APP: variants seen among roughly 807,000 people sequenced by gnomAD.
APP encodes the protein amyloid-beta precursor protein.
In APP, 31 loss-of-function variants were observed where a neutral mutation model predicts 101.4. That is an observed-to-expected ratio of 0.31 (90% CI 0.23 to 0.41). APP has a LOEUF of 0.41. Among genes scored for constraint, APP ranks in the 10% least tolerant of loss-of-function variants. The pLI, the probability that APP is intolerant of heterozygous loss-of-function variation, is 1.00. For missense variants in APP, 839 were observed against 1,003.7 expected (o/e 0.84, Z 2.22); for synonymous variants, 366 against 364.4 (o/e 1.00, Z -0.05).
intron 3 of APP, among the ~76,000 whole-genome samples, chr21:26,055,530 T>C (rs946473148): frequency 1.3e-5 from 2 of 152,178 alleles, no homozygotes; most frequent in African/African-American, 4.8e-5. Flanking sequence ...TCAGGGTTTC[T>C]GAGGGCTCTC....
intron 13 of APP, among the ~76,000 whole-genome samples, chr21:25,927,395 A>G (rs1389215218): frequency 1.3e-5 from 2 of 152,248 alleles, no homozygotes; most frequent in East Asian, 3.8e-4. Context: ...AGGCACTTCA[A>G]TGGTCAAGAG....
chr21:26,120,808 G>A (rs2062548804), intron 1 of APP, among the ~76,000 whole-genome samples: 1 of 152,078 alleles, frequency 6.6e-6, no homozygotes, highest in East Asian at 1.9e-4. Flanking sequence ...AATAGACCCC[G>A]TTCCTGCTCA....
intron 13 of APP, chr21:25,945,779 C>T (rs777082494): frequency 4.9e-6 from 2 of 412,340 alleles, no homozygotes; most frequent in Non-Finnish European, 9.8e-6. Flanking sequence ...CCTCAGCCAC[C>T]CCAGGCTCAG....
intron 9 of APP, among the ~76,000 whole-genome samples, chr21:25,976,818 G>C (rs561252490): frequency 3.4e-4 from 52 of 152,306 alleles, no homozygotes; most frequent in Non-Finnish European, 6.8e-4. Flanking sequence ...CCTGTAAGAG[G>C]TGATTCAGTC....
At chr21:25,971,680 A>C (rs1426463460) in intron 11 of APP, among the ~76,000 whole-genome samples, 1 of 152,228 alleles carries the variant, frequency 6.6e-6, no homozygotes, top group Non-Finnish European at 1.5e-5. Flanking sequence ...CCAGGGGGAA[A>C]ATCACCAAAA....
chr21:25,927,860 G>A (rs969975484), intron 13 of APP, among the ~76,000 whole-genome samples: 20 of 152,126 alleles, frequency 1.3e-4, no homozygotes, highest in African/African-American at 4.8e-4. Context: ...AAAGAACTTA[G>A]ACCTACCAGT....
chr21:26,145,747 T>C (rs1313438215), intron 1 of APP, among the ~76,000 whole-genome samples: 1 of 152,154 alleles, frequency 6.6e-6, no homozygotes, highest in African/African-American at 2.4e-5. Flanking sequence ...GCTACTGACA[T>C]AATACACATA....
At chr21:26,008,984 A>C (rs2043660721) in intron 6 of APP, among the ~76,000 whole-genome samples, 1 of 152,224 alleles carries the variant, frequency 6.6e-6, no homozygotes, top group South Asian at 2.1e-4. Flanking sequence ...AGCAGAGTCA[A>C]CACCACCTGG....
rs751737009 is a variant in APP at position 26,000,162 on chromosome 21, C to T, written c.886G>A (p.Glu296Lys). Residue 296 changes from glutamate to lysine, a missense_variant, in exon 7 of 18, where the codon GAG becomes AAG. Physicochemically the swap from Glu to Lys is moderately conservative, Grantham distance 56. Transcript: ENST00000346798. ...VVREVCSEQAETGPCRAMISR... is the reference protein window; with the variant it reads ...VVREVCSEQAKTGPCRAMISR... ...ATCATTGCTCGGCACGGCCCCGTCT[C>T]GGCTTGTTCAGAGCACACCTCTAAT... is the stretch of plus-strand genomic sequence containing the variant. 8.1e-6 allele frequency: 13 copies of T among 1,614,116 alleles called. No individual in the cohort carries two copies. Among genetic ancestry groups the T allele is most frequent in the Middle Eastern group, 1.6e-4 (1 of 6,084 alleles).
At chr21:26,125,738 T>C (rs1475259528) in intron 1 of APP, among the ~76,000 whole-genome samples, 1 of 152,180 alleles carries the variant, frequency 6.6e-6, no homozygotes, top group Non-Finnish European at 1.5e-5. Flanking sequence ...AAACATCCCA[T>C]TCTGTCTAGC....
chr21:25,892,960 A>C (rs2037793382), intron 16 of APP, among the ~76,000 whole-genome samples: 1 of 51,908 alleles, frequency 1.9e-5, no homozygotes, highest in Admixed American at 1.6e-4. Context: ...AAAAAAAAAA[A>C]ACAAAAAGGT....
chr21:26,087,525 A>G (rs549857066), intron 3 of APP, among the ~76,000 whole-genome samples: 1 of 152,328 alleles, frequency 6.6e-6, no homozygotes, highest in African/African-American at 2.4e-5. Context: ...ACATCAAAGG[A>G]GCCCAGAATC....
intron 2 of APP, among the ~76,000 whole-genome samples, chr21:26,102,082 G>GTTTTTTTTTTTTTTTT (rs35680514): frequency 9.9e-6 from 1 of 101,144 alleles, no homozygotes; most frequent in Non-Finnish European, 1.9e-5. Context: ...AAACTATGTG[G>GTTTTTTTTTTTTTTTT]TTTTTTTTTT....
intron 15 of APP, 137 bp from the exon 16 acceptor site, chr21:25,897,810 G>C (rs1432266346): frequency 8.4e-6 from 6 of 712,510 alleles, no homozygotes; most frequent in South Asian, 3.1e-5. Flanking sequence ...GACTCTTAAA[G>C]AAAAATGATA....
At chr21:25,958,900 CAG>C (rs1274156119) in intron 11 of APP, among the ~76,000 whole-genome samples, 2 of 152,114 alleles carry the variant, frequency 1.3e-5, no homozygotes, top group Non-Finnish European at 2.9e-5. Flanking sequence ...AGCCCTATGA[CAG>C]AGTCATAGCA....
chr21:26,142,369 T>C (rs1010579326), intron 1 of APP, among the ~76,000 whole-genome samples: 1 of 152,166 alleles, frequency 6.6e-6, no homozygotes. Context: ...AAACTAACAC[T>C]TACTCAAAGA....
At chr21:25,968,006 A>G (rs1159947397) in intron 11 of APP, among the ~76,000 whole-genome samples, 1 of 152,196 alleles carries the variant, frequency 6.6e-6, no homozygotes, top group Non-Finnish European at 1.5e-5. Flanking sequence ...TAAAAAGGTG[A>G]AGGGGTTGGT....
At chr21:25,918,682 A>G (rs1362504738) in intron 13 of APP, among the ~76,000 whole-genome samples, 3 of 151,894 alleles carry the variant, frequency 2.0e-5, no homozygotes, top group South Asian at 2.1e-4. Context: ...CCGGCTTAAG[A>G]AACGGCGCAC....
Position 26,077,775 on chromosome 21 carries a change from G to GAA in APP, c.355+12166_355+12167dup, listed in dbSNP as rs796489181. Among the ~76,000 whole-genome samples the GAA allele has an allele frequency of 3.4e-3, 296 of 86,946 alleles. 1 individual carries two copies. Among genetic ancestry groups the GAA allele is most frequent in the African/African-American group, 0.011 (270 of 23,742 alleles). 57.0% of individuals were successfully genotyped at this position (86,946 alleles called of 152,430 possible). On this transcript the variant is annotated intron_variant, in intron 3 of 17. Transcript: ENST00000346798. Reference sequence around the variant, plus strand: ...GCCTAAGACTCACTGACAGGAGAAGGAAAAAAAAAAAAAAAAAAAGACAGA... The same window carrying GAA: ...GCCTAAGACTCACTGACAGGAGAAGGAAAAAAAAAAAAAAAAAAAAAGACAGA...
Sources: gnomAD v4.1 joint callset for allele counts (sites outside exome capture counted in the v4.1 genomes callset) on GRCh38, gnomAD v4.1.1 for gene constraint, MANE v1.5 for transcripts, NCBI Gene and HGNC (gene_info 2026-07-23, HGNC 2026-07-21) for gene names.